The following STYXL2 variants were observed in gnomAD, a reference collection of about 807,000 sequenced individuals.
The protein encoded by STYXL2 is serine/threonine/tyrosine interacting like 2, also known as serine/threonine/tyrosine-interacting-like protein 2.
In STYXL2, 44 loss-of-function variants were observed where a neutral mutation model predicts 52.4. The observed-to-expected ratio is 0.84, with a 90% CI of 0.66 to 1.08. The LOEUF is 1.08. Ranked by LOEUF, STYXL2 falls within the 50% of genes least tolerant of loss-of-function variation. The probability of loss-of-function intolerance (pLI) is 0.00; values close to 1 mark genes in which losing one functional copy is unlikely to be tolerated. For missense variants in STYXL2, 1,604 were observed against 1,471.7 expected (o/e 1.09, Z -1.47); for synonymous variants, 604 against 586.9 (o/e 1.03, Z -0.42).
At chr1:167,111,541 T>TATAC (rs1667623568) in intron 2 of STYXL2, among the ~76,000 whole-genome samples, 1 of 144,634 alleles carries the variant, frequency 6.9e-6, no homozygotes, top group Admixed American at 7.0e-5. Context: ...AATATATATA[T>TATAC]ATACTATGGA....
At chr1:167,095,385 A>G (rs540540288) in intron 2 of STYXL2, among the ~76,000 whole-genome samples, 6 of 151,866 alleles carry the variant, frequency 4.0e-5, no homozygotes, top group Non-Finnish European at 7.4e-5. Context: ...GGAGAAGCCC[A>G]TGGAAGCATT....
chr1:167,127,170 G>A lies in STYXL2; in HGVS notation c.2039G>A (p.Ser680Asn). The A allele has an allele frequency of 1.2e-6, 2 of 1,614,168 alleles. No individual in the cohort carries two copies. Among genetic ancestry groups the A allele is most frequent in the Non-Finnish European group, 1.7e-6 (2 of 1,180,012 alleles). ...SADGDTTSVL[S>N]TQSHRSHLSQ... ...GATGGGGACACGACGTCAGTACTGA[G>A]CACCCAGAGCCACCGCTCCCACCTG... Residue 680 changes from serine to asparagine, a missense_variant, in exon 6 of 6, where the codon AGC becomes AAC. Coordinates refer to ENST00000361200, the MANE Select transcript of STYXL2 (RefSeq NM_001080426.3).
chr1:167,101,691 C>A (rs139239070), intron 2 of STYXL2, among the ~76,000 whole-genome samples: 1 of 151,788 alleles, frequency 6.6e-6, no homozygotes, highest in Non-Finnish European at 1.5e-5. Context: ...GTAAGCCCAG[C>A]TACTTAGGCT....
At chr1:167,119,960 G>A (rs1667816165) in intron 5 of STYXL2, among the ~76,000 whole-genome samples, 1 of 152,184 alleles carries the variant, frequency 6.6e-6, no homozygotes, top group Admixed American at 6.5e-5. Flanking sequence ...ATCCAAAGGT[G>A]GAAAGCTTGG....
At chr1:167,116,563 T>C (rs1667726002) in intron 3 of STYXL2, among the ~76,000 whole-genome samples, 1 of 152,130 alleles carries the variant, frequency 6.6e-6, no homozygotes, top group African/African-American at 2.4e-5. Context: ...GCAATCCATA[T>C]GTAAAAGAGT....
intron 2 of STYXL2, among the ~76,000 whole-genome samples, chr1:167,113,420 G>A (rs1667656683): frequency 6.6e-6 from 1 of 152,188 alleles, no homozygotes; most frequent in Non-Finnish European, 1.5e-5. Context: ...CCACATCAGG[G>A]TGGGTTCCCC....
At chr1:167,123,808 G>T (rs1210634452) in intron 5 of STYXL2, among the ~76,000 whole-genome samples, 2 of 152,162 alleles carry the variant, frequency 1.3e-5, no homozygotes, top group Non-Finnish European at 2.9e-5. Flanking sequence ...ATTTTTAGTA[G>T]AGACAGGGTT....
At chr1:167,119,052 T>G (rs1667790878) in intron 4 of STYXL2, among the ~76,000 whole-genome samples, 197 bp from the exon 5 acceptor site, 1 of 152,214 alleles carries the variant, frequency 6.6e-6, no homozygotes, top group Non-Finnish European at 1.5e-5. Context: ...CTGCATGTCT[T>G]TTCTCCCTTT....
chr1:167,122,652 T>TA (rs967502456), intron 5 of STYXL2, among the ~76,000 whole-genome samples: 6 of 151,502 alleles, frequency 4.0e-5, no homozygotes, highest in Non-Finnish European at 7.4e-5. Context: ...GCTGTACTCT[T>TA]AAAAAAAAAA....
At chr1:167,114,992 C>G (rs990015218) in intron 3 of STYXL2, among the ~76,000 whole-genome samples, 6 of 152,226 alleles carry the variant, frequency 3.9e-5, no homozygotes, top group Admixed American at 2.0e-4. Context: ...TTCTGTGGAC[C>G]ATTCTCCATG....
Position 167,126,691 on chromosome 1 carries a change from G to A in STYXL2, c.1560G>A (p.Glu520=). ...GGAGCAGGGTGCGGGAGGATGATGAGGACAGCGTGGGCTCTGAGGCCAGTT... is the reference window on the plus strand; with the variant it reads ...GGAGCAGGGTGCGGGAGGATGATGAAGACAGCGTGGGCTCTGAGGCCAGTT... ...EAGSRVREDD[E]DSVGSEASSF... The change falls in exon 6 of 6, where the codon GAG becomes GAA. Residue 520 remains glutamate, a synonymous_variant. Transcript: ENST00000361200. 6.2e-7 allele frequency: 1 copy of A among 1,614,202 alleles called. No homozygotes were observed. The highest frequency in any genetic ancestry group is 8.5e-7 in the Non-Finnish European group (1 of 1,180,034).
Position 167,127,076 on chromosome 1 carries a change from G to A in STYXL2, c.1945G>A (p.Asp649Asn), listed in dbSNP as rs781021697. The stretch of plus-strand genomic sequence containing the variant: ...CCAGTCTATGGCAAGCTGGGAGGCG[G>A]ACAGCTCCACGGCCAGCGGGAGCAT... ...ESQSMASWEADSSTASGSIPL... is the reference protein window; with the variant it reads ...ESQSMASWEANSSTASGSIPL... The change falls in exon 6 of 6, where the codon GAC (aspartate) becomes AAC (asparagine). Residue 649 changes from aspartate (D) to asparagine (N), a missense_variant. Asp to Asn is a conservative substitution (Grantham distance 23, BLOSUM62 1). Transcript: ENST00000361200. The A allele has an allele frequency of 1.7e-5, 28 of 1,613,054 alleles. No individual in the cohort carries two copies. In the South Asian group the frequency reaches 2.9e-4, roughly 16 times the overall value.
intron 2 of STYXL2, among the ~76,000 whole-genome samples, chr1:167,107,772 G>A (rs959242079): frequency 6.6e-6 from 1 of 152,174 alleles, no homozygotes; most frequent in Non-Finnish European, 1.5e-5. Context: ...ATGATCTAGT[G>A]TAGGAGACCA....
intron 2 of STYXL2, among the ~76,000 whole-genome samples, chr1:167,097,372 A>C (rs10127714): frequency 0.37 from 55,713 of 152,050 alleles, 10,728 homozygotes; most frequent in African/African-American, 0.47. Flanking sequence ...GATTAGACAA[A>C]TCCATGTGTT....
At chr1:167,119,514 AGTAAT>A in intron 5 of STYXL2, 48 bp downstream of exon 5, 1 of 1,541,518 alleles carries the variant, frequency 6.5e-7, no homozygotes, top group Non-Finnish European at 8.9e-7. Context: ...ACGGGGGAAA[AGTAAT>A]GTGGGGAATG....
Position 167,100,626 on chromosome 1 carries a change from A to G in STYXL2, c.110+5667A>G, listed in dbSNP as rs540783436. 1.7e-3 allele frequency among the ~76,000 whole-genome samples: 261 copies of G among 152,318 alleles called. 1 individual carries two copies. Among genetic ancestry groups the G allele is most frequent in the African/African-American group, 5.9e-3 (244 of 41,576 alleles). On this transcript the variant is annotated intron_variant, in intron 2 of 5. Coordinates refer to ENST00000361200, the MANE Select transcript of STYXL2 (RefSeq NM_001080426.3). ...CAGCAGCCATTCTCCCTTCCTAGGC[A>G]AAAACAGGCTCAACCTGAAAGACCC... is the stretch of plus-strand genomic sequence containing the variant.
At chr1:167,118,434 G>C (rs1558023948) in intron 4 of STYXL2, among the ~76,000 whole-genome samples, 1 of 152,224 alleles carries the variant, frequency 6.6e-6, no homozygotes, top group Non-Finnish European at 1.5e-5. Flanking sequence ...GCTTTGAACA[G>C]TGGGTCTTAT....
At position 167,127,584 on chromosome 1, in the gene STYXL2, G is replaced by A. The variant is rs774381219; in HGVS notation, c.2453G>A (p.Gly818Glu). 3 of 1,614,134 alleles carry A rather than the reference G, an allele frequency of 1.9e-6. No homozygotes were observed. The Admixed American group carries it at 5.0e-5, about 27-fold the overall frequency. The change falls in exon 6 of 6, where the codon GGG (glycine) becomes GAG (glutamate). Residue 818 changes from glycine to glutamate, a missense_variant. Transcript: ENST00000361200. ...GAAAGTTGCAGAAGCAAAGTGAGGG[G>A]GACCAGCAAGCCCATCTTCAGCCTC... ...PAESCRSKVR[G>E]TSKPIFSLFA...
chr1:167,104,760 A>G (rs1667476886), intron 2 of STYXL2, among the ~76,000 whole-genome samples: 1 of 152,214 alleles, frequency 6.6e-6, no homozygotes, highest in Non-Finnish European at 1.5e-5. Context: ...TAGAGCTCAG[A>G]AACCTTGTCC....
Sources: gnomAD v4.1 joint callset for allele counts (sites outside exome capture counted in the v4.1 genomes callset) on GRCh38, gnomAD v4.1.1 for gene constraint, MANE v1.5 for transcripts, NCBI Gene and HGNC (gene_info 2026-07-23, HGNC 2026-07-21) for gene names.